CCDC91: variants seen among roughly 807,000 people sequenced by gnomAD.
CCDC91 encodes coiled-coil domain-containing protein 91.
In CCDC91, 48 loss-of-function variants were observed where a neutral mutation model predicts 63.2. That is an observed-to-expected ratio of 0.76 (90% CI 0.60 to 0.97). The LOEUF is 0.97. Ranked by LOEUF, CCDC91 falls within the 50% of genes least tolerant of loss-of-function variation. The pLI, the probability that CCDC91 is intolerant of heterozygous loss-of-function variation, is 0.00. For synonymous variants in CCDC91, 167 were observed against 165.8 expected (o/e 1.01, Z -0.06); for missense variants, 500 against 494.6 (o/e 1.01, Z -0.10).
At chr12:28,194,170 T>G (rs1941531941) in intron 1 of CCDC91, among the ~76,000 whole-genome samples, 1 of 152,228 alleles carries the variant, frequency 6.6e-6, no homozygotes. Flanking sequence ...CTTTTATAGC[T>G]TTAAATTTTA....
rs1317101008 is a variant in CCDC91 at position 28,451,936 on chromosome 12, G to A, written c.925-542G>A. On this transcript the variant is annotated intron_variant, in intron 10 of 12. Coordinates refer to ENST00000536442, the MANE Select transcript of CCDC91 (RefSeq NM_018318.5). ...AAAACATCATTACAGATTTAACACA[G>A]AAGGAAGAAATAAGAATTAATTTAG... is the stretch of plus-strand genomic sequence containing the variant. Among the ~76,000 whole-genome samples, 11 of 151,674 alleles carry A rather than the reference G, an allele frequency of 7.3e-5. No individual in the cohort carries two copies. The East Asian group carries it at 1.9e-3, about 27-fold the overall frequency.
chr12:28,393,429 C>G (rs1946077489), intron 8 of CCDC91, among the ~76,000 whole-genome samples: 1 of 149,172 alleles, frequency 6.7e-6, no homozygotes, highest in Admixed American at 6.7e-5. Context: ...GAACCGCTTT[C>G]TAAATTTAAT....
At chr12:28,468,821 A>C (rs538618900) in intron 11 of CCDC91, among the ~76,000 whole-genome samples, 1 of 152,230 alleles carries the variant, frequency 6.6e-6, no homozygotes, top group Non-Finnish European at 1.5e-5. Context: ...ATATTGACCA[A>C]ATGGAGGACA....
intron 11 of CCDC91, among the ~76,000 whole-genome samples, chr12:28,459,765 A>G (rs1313802008): frequency 1.3e-5 from 2 of 152,180 alleles, no homozygotes; most frequent in African/African-American, 4.8e-5. Context: ...GGTCATAGTA[A>G]AGTAGTACAC....
At chr12:28,442,911 G>A (rs3858544) in intron 8 of CCDC91, among the ~76,000 whole-genome samples, 108,309 of 151,878 alleles carry the variant, frequency 0.71, 39,061 homozygotes, top group Middle Eastern at 0.76. Flanking sequence ...TTTGGTATCA[G>A]TTCTATAACT....
At chr12:28,309,900 C>A (rs1052347441) in intron 6 of CCDC91, among the ~76,000 whole-genome samples, 1 of 151,758 alleles carries the variant, frequency 6.6e-6, no homozygotes, top group African/African-American at 2.4e-5. Context: ...TTATTTTTTT[C>A]TTTTCCATAC....
In CCDC91 at chr12:28,306,765, T is replaced by C; in HGVS notation, c.291T>C (p.His97=). 1 of 1,610,714 alleles carries C rather than the reference T, an allele frequency of 6.2e-7. No homozygotes were observed. The change falls in exon 5 of 13, where the codon CAT becomes CAC. Residue 97 remains histidine, a synonymous_variant. Coordinates refer to ENST00000536442, the MANE Select transcript of CCDC91 (RefSeq NM_018318.5). ...AGATTCAGCAATCAACACACACTCA[T>C]CTGGATATCTCACTTTTTCCATTGG... ...KAQIQQSTHT[H]LDISLFPLGL...
At chr12:28,274,576 C>T (rs937649787) in intron 3 of CCDC91, among the ~76,000 whole-genome samples, 1 of 152,028 alleles carries the variant, frequency 6.6e-6, no homozygotes, top group Non-Finnish European at 1.5e-5. Flanking sequence ...ACGTTGGATT[C>T]CTGGGTATTT....
intron 3 of CCDC91, chr12:28,268,783 T>A: frequency 3.7e-6 from 2 of 535,360 alleles, no homozygotes; most frequent in Non-Finnish European, 4.8e-6. Flanking sequence ...GGATGAATAG[T>A]GCAATATGAG....
At chr12:28,454,138 G>A (rs1464848685) in intron 11 of CCDC91, among the ~76,000 whole-genome samples, 1 of 152,124 alleles carries the variant, frequency 6.6e-6, no homozygotes, top group African/African-American at 2.4e-5. Flanking sequence ...TCTCTGCCAA[G>A]TTAAATTATA....
At chr12:28,268,544 T>G in intron 3 of CCDC91, 1 of 417,152 alleles carries the variant, frequency 2.4e-6, no homozygotes, top group Non-Finnish European at 3.2e-6. Flanking sequence ...ACACCACATT[T>G]TCATAGAATC....
intron 6 of CCDC91, among the ~76,000 whole-genome samples, chr12:28,324,066 A>T (rs557128118): frequency 1.3e-5 from 2 of 151,968 alleles, no homozygotes; most frequent in Admixed American, 6.6e-5. Flanking sequence ...AGTTAGAGAG[A>T]CCTTTTTAGA....
chr12:28,318,615 C>T (rs1940162737), intron 6 of CCDC91, among the ~76,000 whole-genome samples: 1 of 151,772 alleles, frequency 6.6e-6, no homozygotes, highest in African/African-American at 2.4e-5. Flanking sequence ...ATTTTAGTCT[C>T]AAAAAATGCC....
intron 12 of CCDC91, among the ~76,000 whole-genome samples, chr12:28,514,562 C>T (rs552246175): frequency 1.3e-5 from 2 of 151,774 alleles, no homozygotes; most frequent in African/African-American, 2.4e-5. Context: ...AATCTTTGTC[C>T]ATTCGTATGT....
At chr12:28,356,076 CTG>C (rs1555192677) in intron 6 of CCDC91, among the ~76,000 whole-genome samples, 9 of 151,570 alleles carry the variant, frequency 5.9e-5, no homozygotes, top group Admixed American at 5.9e-4. Context: ...GTTTGTGAGA[CTG>C]GGGATGATTT....
At chr12:28,393,030 A>G (rs1946047206) in intron 8 of CCDC91, among the ~76,000 whole-genome samples, 1 of 152,240 alleles carries the variant, frequency 6.6e-6, no homozygotes, top group Admixed American at 6.5e-5. Context: ...TAGATTAAAT[A>G]AGAGCCTCTG....
chr12:28,259,379 G>A lies in CCDC91; in HGVS notation c.46G>A (p.Asp16Asn). ...FGGFEAAETFDGGSGETQTTS... is the reference protein window; with the variant it reads ...FGGFEAAETFNGGSGETQTTS... ...TGTCTTGTAGGCTGCGGAGACTTTT[G>A]ATGGTGGAAGTGGTGAAACCCAAAC... Residue 16 changes from aspartate (D) to asparagine (N), a missense_variant, in exon 3 of 13, where the codon GAT becomes AAT. Asp to Asn is a conservative substitution (Grantham distance 23). Transcript: ENST00000536442. The A allele has an allele frequency of 1.9e-6, 3 of 1,611,298 alleles. No homozygotes were observed. Among genetic ancestry groups the A allele is most frequent in the Non-Finnish European group, 2.5e-6 (3 of 1,178,254 alleles).
chr12:28,388,045 A>G (rs1181045763), intron 7 of CCDC91, among the ~76,000 whole-genome samples: 1 of 152,068 alleles, frequency 6.6e-6, no homozygotes, highest in Non-Finnish European at 1.5e-5. Flanking sequence ...CCCTTCCAGC[A>G]TCTATTATTT....
chr12:28,213,058 G>T (rs1943334643), intron 1 of CCDC91, among the ~76,000 whole-genome samples: 1 of 152,150 alleles, frequency 6.6e-6, no homozygotes, highest in Non-Finnish European at 1.5e-5. Flanking sequence ...GATGAAGCTG[G>T]GGACTTTGAA....
Sources: gnomAD v4.1 joint callset for allele counts (sites outside exome capture counted in the v4.1 genomes callset) on GRCh38, gnomAD v4.1.1 for gene constraint, MANE v1.5 for transcripts, NCBI Gene and HGNC (gene_info 2026-07-23, HGNC 2026-07-21) for gene names.